DPP10: variants seen among roughly 807,000 people sequenced by gnomAD.
DPP10 encodes dipeptidyl peptidase like 10, also known as inactive dipeptidyl peptidase 10.
In DPP10, 33 loss-of-function variants were observed where a neutral mutation model predicts 120.9. The observed-to-expected ratio is 0.27, with a 90% CI of 0.21 to 0.37. The LOEUF (loss-of-function observed/expected upper bound fraction) is 0.37, where lower values mean the gene tolerates loss of function less well. Ranked by LOEUF, DPP10 falls within the 10% of genes least tolerant of loss-of-function variation. DPP10 has a pLI of 1.00. For missense variants in DPP10, 816 were observed against 942.8 expected, an observed-to-expected ratio of 0.87 and a Z score of 1.76; for synonymous variants, 337 against 326.1, an observed-to-expected ratio of 1.03 and a Z score of -0.36.
rs115187748 is a variant in DPP10 at position 114,671,600 on chromosome 2, T to C, written c.60+228762T>C. On this transcript the variant is annotated intron_variant, in intron 1 of 25. Coordinates refer to ENST00000410059, the MANE Select transcript of DPP10 (RefSeq NM_020868.6). ...ACTAACATAATAGGATTTGGTAATA[T>C]CATGGTGCCAAGCATCCACTGGGGG... Among the ~76,000 whole-genome samples the C allele has an allele frequency of 3.0e-3, 459 of 152,214 alleles. 3 individuals carry two copies. Among genetic ancestry groups the C allele is most frequent in the Non-Finnish European group, 4.1e-3 (278 of 68,000 alleles).
At chr2:114,948,165 GC>G (rs1302798869) in intron 1 of DPP10, among the ~76,000 whole-genome samples, 8 of 151,936 alleles carry the variant, frequency 5.3e-5, no homozygotes, top group African/African-American at 1.9e-4. Context: ...CTGGGAGCGT[GC>G]TTTGACTTAA....
At chr2:115,827,844 G>A (rs1027422175) in intron 21 of DPP10, among the ~76,000 whole-genome samples, 42 of 151,816 alleles carry the variant, frequency 2.8e-4, no homozygotes, top group African/African-American at 9.0e-4. Flanking sequence ...TGATCCACAA[G>A]CGTCGGCCTC....
chr2:114,467,106 T>G, intron 1 of DPP10, among the ~76,000 whole-genome samples: 1 of 152,180 alleles, frequency 6.6e-6, no homozygotes, highest in Admixed American at 6.5e-5. Flanking sequence ...CCTATCCAGT[T>G]GCTGATTTCT....
chr2:114,904,013 G>A (rs1350887278), intron 1 of DPP10, among the ~76,000 whole-genome samples: 1 of 152,194 alleles, frequency 6.6e-6, no homozygotes, highest in East Asian at 1.9e-4. Context: ...ATGACAAATA[G>A]ATTTTGGTAC....
intron 2 of DPP10, chr2:115,342,269 C>CATA (rs2063488238): frequency 2.7e-6 from 1 of 368,216 alleles, no homozygotes; most frequent in African/African-American, 2.2e-5. Context: ...TGCAGTGGTG[C>CATA]GATCTCAGCT....
chr2:115,511,367 T>C (rs1055025664), intron 4 of DPP10, among the ~76,000 whole-genome samples: 2 of 152,150 alleles, frequency 1.3e-5, no homozygotes, highest in African/African-American at 4.8e-5. Context: ...TAAGCAATTT[T>C]ATAGTATTCT....
chr2:114,968,438 C>A (rs769523910), intron 1 of DPP10, among the ~76,000 whole-genome samples: 10 of 152,034 alleles, frequency 6.6e-5, no homozygotes, highest in Admixed American at 3.3e-4. Flanking sequence ...CAGAAAGCTC[C>A]TTGATGGTAA....
chr2:114,684,662 C>T (rs1293260625), intron 1 of DPP10, among the ~76,000 whole-genome samples: 9 of 149,392 alleles, frequency 6.0e-5, no homozygotes, highest in Non-Finnish European at 1.3e-4. Flanking sequence ...CCATTTGCCA[C>T]ATTTTGCCGG....
At chr2:115,603,951 C>A (rs1451900787) in intron 5 of DPP10, among the ~76,000 whole-genome samples, 1 of 152,122 alleles carries the variant, frequency 6.6e-6, no homozygotes, top group Non-Finnish European at 1.5e-5. Flanking sequence ...GAAAGACATA[C>A]ATTTCAACCA....
At chr2:114,783,775 A>T (rs1255670967) in intron 1 of DPP10, among the ~76,000 whole-genome samples, 1 of 151,972 alleles carries the variant, frequency 6.6e-6, no homozygotes, top group Non-Finnish European at 1.5e-5. Flanking sequence ...TCTAGGCTGC[A>T]GTGAGCTGTG....
At position 115,767,263 on chromosome 2, in the gene DPP10, A is replaced by G. The variant is rs1311630156; in HGVS notation, c.1114-1034A>G. 2.0e-5 allele frequency among the ~76,000 whole-genome samples: 3 copies of G among 152,220 alleles called. 1 individual carries two copies. The highest frequency in any genetic ancestry group is 7.2e-5 in the African/African-American group (3 of 41,552). ...GCAAGAGAATGACAAAGATGAGATC[A>G]GAAAGACAGTAGAGGGCCAAGTCAT... is the stretch of plus-strand genomic sequence containing the variant. On this transcript the variant is annotated intron_variant, in intron 12 of 25. Coordinates refer to ENST00000410059, the MANE Select transcript of DPP10 (RefSeq NM_020868.6).
chr2:115,168,301 G>C (rs1162829275), intron 1 of DPP10, among the ~76,000 whole-genome samples: 2 of 152,168 alleles, frequency 1.3e-5, no homozygotes, highest in African/African-American at 4.8e-5. Context: ...ACTAACATTA[G>C]AATGGGGGCC....
chr2:115,425,225 G>T (rs1409714985), intron 3 of DPP10, among the ~76,000 whole-genome samples: 1 of 152,156 alleles, frequency 6.6e-6, no homozygotes, highest in Non-Finnish European at 1.5e-5. Context: ...CTTGCATGAG[G>T]TGGCAAGGGG....
chr2:114,475,313 C>T lies in DPP10; in HGVS notation c.60+32475C>T, dbSNP rs761653398. On this transcript the variant is annotated intron_variant, in intron 1 of 25. Coordinates refer to ENST00000410059, the MANE Select transcript of DPP10 (RefSeq NM_020868.6). ...AGTGAGGGTGCTATATAATATTTAC[C>T]GATATCCTACTTTTATATATCAGGC... 4.6e-5 allele frequency among the ~76,000 whole-genome samples: 7 copies of T among 151,968 alleles called. No individual in the cohort carries two copies. In the East Asian group the frequency reaches 5.8e-4, roughly 13 times the overall value.
Position 114,497,383 on chromosome 2 carries a change from A to G in DPP10, c.60+54545A>G, listed in dbSNP as rs1344591586. Among the ~76,000 whole-genome samples, 4 of 142,538 alleles carry G rather than the reference A, an allele frequency of 2.8e-5. No individual in the cohort carries two copies. In the East Asian group the frequency reaches 8.8e-4, roughly 31 times the overall value. 93.5% of individuals were successfully genotyped at this position (142,538 alleles called of 152,430 possible). A position where few individuals can be genotyped will look rare whatever the true frequency, so the allele number is the denominator to read the frequency against. On this transcript the variant is annotated intron_variant, in intron 1 of 25. Transcript: ENST00000410059. ...TATACATACACATGTACATATACAT[A>G]TACATACACATACATATACATATAC...
intron 1 of DPP10, among the ~76,000 whole-genome samples, chr2:115,029,063 A>T (rs896791954): frequency 2.6e-5 from 4 of 152,034 alleles, no homozygotes; most frequent in African/African-American, 7.2e-5. Flanking sequence ...CAGTGTTATT[A>T]TTGATGAATA....
At chr2:115,719,436 CAT>C (rs2092587856) in intron 7 of DPP10, among the ~76,000 whole-genome samples, 1 of 152,114 alleles carries the variant, frequency 6.6e-6, no homozygotes, top group Non-Finnish European at 1.5e-5. Flanking sequence ...GCAAAGGTGA[CAT>C]GAGTGATTTG....
chr2:114,926,361 G>C (rs989690889), intron 1 of DPP10, among the ~76,000 whole-genome samples: 1 of 152,154 alleles, frequency 6.6e-6, no homozygotes, highest in Admixed American at 6.5e-5. Context: ...CAATAATAGA[G>C]TTTCACCTAC....
At chr2:114,574,397 C>T (rs1041970821) in intron 1 of DPP10, among the ~76,000 whole-genome samples, 1 of 152,180 alleles carries the variant, frequency 6.6e-6, no homozygotes, top group African/African-American at 2.4e-5. Context: ...CTCCTAAAGA[C>T]CCGTCATTAT....
Sources: gnomAD v4.1 joint callset for allele counts (sites outside exome capture counted in the v4.1 genomes callset) on GRCh38, gnomAD v4.1.1 for gene constraint, MANE v1.5 for transcripts, NCBI Gene and HGNC (gene_info 2026-07-23, HGNC 2026-07-21) for gene names.